CA2: variants seen among roughly 807,000 people sequenced by gnomAD.
CA2 encodes carbonic anhydrase 2, also known as carbonate dehydratase II.
Under a neutral mutation model 27.8 loss-of-function variants are expected in CA2, and 23 were observed. The observed-to-expected ratio is 0.83, with a 90% CI of 0.59 to 1.17. CA2 has a LOEUF of 1.17. CA2 is among the 50% of genes most tolerant of loss of function. The probability of loss-of-function intolerance (pLI) is 0.00; values close to 1 mark genes in which losing one functional copy is unlikely to be tolerated. For missense variants in CA2, 300 were observed against 314.7 expected, an observed-to-expected ratio of 0.95 and a Z score of 0.35; for synonymous variants, 99 against 114.9, an observed-to-expected ratio of 0.86 and a Z score of 0.88.
At chr8:85,471,728 A>G (rs1021727044) in intron 2 of CA2, among the ~76,000 whole-genome samples, 7 of 152,006 alleles carry the variant, frequency 4.6e-5, no homozygotes, top group African/African-American at 1.7e-4. Flanking sequence ...AAGAGTTATT[A>G]TAAAGGATTT....
In CA2 at chr8:85,475,741, A is replaced by G. The variant is rs1404609444; in HGVS notation, c.445-57A>G. On this transcript the variant is annotated intron_variant, in intron 4 of 6. Transcript: ENST00000285379. Reference sequence around the variant, plus strand: ...TAATAGAGCTACCCAAATAAAAATAAAAACTGGTACAGTACCAACTGGGTG... The same window carrying G: ...TAATAGAGCTACCCAAATAAAAATAGAAACTGGTACAGTACCAACTGGGTG... 26 of 1,507,472 alleles carry G rather than the reference A, an allele frequency of 1.7e-5. No homozygotes were observed. The East Asian group carries it at 5.9e-4, about 34-fold the overall frequency. 93.4% of individuals were successfully genotyped at this position (1,507,472 alleles called of 1,614,324 possible).
At chr8:85,469,187 A>G (rs1175572534) in intron 2 of CA2, among the ~76,000 whole-genome samples, 2 of 152,080 alleles carry the variant, frequency 1.3e-5, no homozygotes, top group African/African-American at 2.4e-5. Context: ...ATTAGGAGTT[A>G]TTTTTGTGGT....
At chr8:85,470,356 G>A (rs75755943) in intron 2 of CA2, among the ~76,000 whole-genome samples, 2,880 of 152,226 alleles carry the variant, frequency 0.019, 75 homozygotes, top group African/African-American at 0.065. Flanking sequence ...AGATGGTACC[G>A]AAAATGACAT....
At chr8:85,471,042 T>C (rs1176308390) in intron 2 of CA2, among the ~76,000 whole-genome samples, 2 of 152,270 alleles carry the variant, frequency 1.3e-5, no homozygotes, top group Middle Eastern at 3.4e-3. Flanking sequence ...AAATGGCATG[T>C]AGTCATTTAA....
In CA2 at chr8:85,475,810, A is replaced by G. The variant is rs1371167247; in HGVS notation, c.457A>G (p.Lys153Glu). ...TGTTTTTCTTTAGGTTGGCAGCGCT[A>G]AACCGGGCCTTCAGAAAGTTGTTGA... ...LGIFLKVGSA[K>E]PGLQKVVDVL... Residue 153 changes from lysine to glutamate, a missense_variant, in exon 5 of 7, where the codon AAA (lysine) becomes GAA (glutamate). Coordinates refer to ENST00000285379, the MANE Select transcript of CA2 (RefSeq NM_000067.3). 1 of 1,613,932 alleles carries G rather than the reference A, an allele frequency of 6.2e-7. No individual in the cohort carries two copies. The highest frequency in any genetic ancestry group is 8.5e-7 in the Non-Finnish European group (1 of 1,179,936).
chr8:85,474,316 G>A lies in CA2; in HGVS notation c.352-8G>A, dbSNP rs369557332. ...TCACTCACTGTGGCTTTGTCTCTTCGGCCTTAGCTTCACTTGGTTCACTGG... is the reference window on the plus strand; with the variant it reads ...TCACTCACTGTGGCTTTGTCTCTTCAGCCTTAGCTTCACTTGGTTCACTGG... On this transcript the variant is annotated splice_region_variant and splice_polypyrimidine_tract_variant and intron_variant, in intron 3 of 6. Coordinates refer to ENST00000285379, the MANE Select transcript of CA2 (RefSeq NM_000067.3). 1.4e-5 allele frequency: 22 copies of A among 1,609,846 alleles called. No homozygotes were observed. Among genetic ancestry groups the A allele is most frequent in the Middle Eastern group, 1.6e-4 (1 of 6,078 alleles).
chr8:85,475,678 T>G, intron 4 of CA2, 120 bp from the exon 5 acceptor site: 3 of 831,144 alleles, frequency 3.6e-6, no homozygotes, highest in Non-Finnish European at 2.1e-6. Flanking sequence ...GGGTCATGTA[T>G]GAAGTGGAGA....
At chr8:85,471,623 A>C (rs1325958996) in intron 2 of CA2, among the ~76,000 whole-genome samples, 1 of 152,250 alleles carries the variant, frequency 6.6e-6, no homozygotes, top group East Asian at 1.9e-4. Flanking sequence ...GATTCTTAGT[A>C]TGGTTTTAGT....
intron 2 of CA2, among the ~76,000 whole-genome samples, chr8:85,471,924 G>C (rs766706555): frequency 5.9e-5 from 9 of 152,132 alleles, no homozygotes; most frequent in Non-Finnish European, 1.3e-4. Context: ...GACTTTGTCA[G>C]AATACATCCA....
intron 3 of CA2, 99 bp downstream of exon 3, chr8:85,473,910 C>G: frequency 1.3e-6 from 1 of 783,716 alleles, no homozygotes; most frequent in Non-Finnish European, 2.3e-6. Context: ...AACTCACGCC[C>G]AGTGAACCAC....
intron 2 of CA2, among the ~76,000 whole-genome samples, chr8:85,468,595 C>G (rs1811664241): frequency 6.6e-6 from 1 of 152,178 alleles, no homozygotes; most frequent in Admixed American, 6.5e-5. Context: ...ACTGTCTGTA[C>G]TAAAAATGCA....
chr8:85,477,131 T>A lies in CA2; in HGVS notation c.519T>A (p.Ala173=). Residue 173 remains alanine (A), a synonymous_variant, in exon 6 of 7, where the codon GCT becomes GCA. Coordinates refer to ENST00000285379, the MANE Select transcript of CA2 (RefSeq NM_000067.3). ...LDSIKTKGKS[A]DFTNFDPRGL... ...TTGCCTTGTTCTAGGGCAAGAGTGC[T>A]GACTTCACTAACTTCGATCCTCGTG... 6.2e-7 allele frequency: 1 copy of A among 1,614,116 alleles called. No homozygotes were observed. Among genetic ancestry groups the A allele is most frequent in the Non-Finnish European group, 8.5e-7 (1 of 1,179,974 alleles).
rs991534279 is a variant in CA2 at position 85,466,417 on chromosome 8, T to G, written c.232+948T>G. ...AGTAGTGACCTACGGTACTAATATA[T>G]TATATAATATGTAATTATAACCATT... On this transcript the variant is annotated intron_variant, in intron 2 of 6. Coordinates refer to ENST00000285379, the MANE Select transcript of CA2 (RefSeq NM_000067.3). 2.6e-5 allele frequency among the ~76,000 whole-genome samples: 4 copies of G among 152,116 alleles called. No homozygotes were observed. The East Asian group carries it at 7.7e-4, about 29-fold the overall frequency.
In CA2 at chr8:85,480,758, AG is replaced by A; in HGVS notation, c.753del (p.Asn252ThrfsTer14). 1.9e-6 allele frequency: 3 copies of A among 1,613,976 alleles called. No homozygotes were observed. The highest frequency in any genetic ancestry group is 2.5e-6 in the Non-Finnish European group (3 of 1,179,892). ...AACTGGCGCCCAGCTCAGCCACTGA[AG>A]AACAGGCAAATCAAAGCTTCCTTCA... ...VDNWRPAQPL[K>X]NRQIKASFK On this transcript the variant is annotated frameshift_variant, in exon 7 of 7. Coordinates refer to ENST00000285379, the MANE Select transcript of CA2 (RefSeq NM_000067.3). LOFTEE classifies it high-confidence loss of function.
intron 2 of CA2, among the ~76,000 whole-genome samples, chr8:85,469,339 C>T (rs1811680896): frequency 6.6e-6 from 1 of 152,144 alleles, no homozygotes; most frequent in African/African-American, 2.4e-5. Flanking sequence ...TAAATGTTCT[C>T]TTATATCCAA....
At chr8:85,467,278 G>A (rs1811644693) in intron 2 of CA2, among the ~76,000 whole-genome samples, 1 of 152,226 alleles carries the variant, frequency 6.6e-6, no homozygotes, top group Non-Finnish European at 1.5e-5. Flanking sequence ...TGGGGTCAGA[G>A]AGACCTGGAT....
In CA2 at chr8:85,475,371, T is replaced by TAAAAAA. The variant is rs3070396; in HGVS notation, c.445-407_445-402dup. 2.2e-4 allele frequency among the ~76,000 whole-genome samples: 9 copies of TAAAAAA among 41,358 alleles called. 1 individual carries two copies. Among genetic ancestry groups the TAAAAAA allele is most frequent in the Non-Finnish European group, 2.7e-4 (7 of 26,020 alleles). 27.1% of individuals were successfully genotyped at this position (41,358 alleles called of 152,430 possible). A position where few individuals can be genotyped will look rare whatever the true frequency, so the allele number is the denominator to read the frequency against. On this transcript the variant is annotated intron_variant, in intron 4 of 6. Coordinates refer to ENST00000285379, the MANE Select transcript of CA2 (RefSeq NM_000067.3). Reference sequence around the variant, plus strand: ...GGATGACAGAGCAAGACTCTGACTCTAAAAAAAAAAAAAAAAAAAAAAAAA... The same window carrying TAAAAAA: ...GGATGACAGAGCAAGACTCTGACTCTAAAAAAAAAAAAAAAAAAAAAAAAAAAAAAA...
At chr8:85,471,457 C>T (rs1366164663) in intron 2 of CA2, among the ~76,000 whole-genome samples, 2 of 151,398 alleles carry the variant, frequency 1.3e-5, no homozygotes, top group African/African-American at 4.8e-5. Context: ...TTGCCTAATT[C>T]TAAATGTTTT....
Position 85,475,826 on chromosome 8 carries a change from A to T in CA2, c.473A>T (p.Lys158Ile), listed in dbSNP as rs775300980. Residue 158 changes from lysine to isoleucine, a missense_variant, in exon 5 of 7, where the codon AAA becomes ATA. Physicochemically the swap from Lys to Ile is moderately radical, Grantham distance 102. Around this residue, in one of 3 missense-constraint regions of CA2, gnomAD observed 173 missense variants for 161.0 expected, o/e 1.07. Transcript: ENST00000285379. Reference sequence around the variant, plus strand: ...GGCAGCGCTAAACCGGGCCTTCAGAAAGTTGTTGATGTGCTGGATTCCATT... The same window carrying T: ...GGCAGCGCTAAACCGGGCCTTCAGATAGTTGTTGATGTGCTGGATTCCATT... ...KVGSAKPGLQKVVDVLDSIKT... is the reference protein window; with the variant it reads ...KVGSAKPGLQIVVDVLDSIKT... 1.2e-6 allele frequency: 2 copies of T among 1,614,088 alleles called. No individual in the cohort carries two copies. Among genetic ancestry groups the T allele is most frequent in the East Asian group, 4.5e-5 (2 of 44,868 alleles).
Sources: allele counts gnomAD v4.1 joint callset (sites outside exome capture counted in the v4.1 genomes callset), GRCh38; gene constraint gnomAD v4.1.1; regional missense constraint gnomAD v4.1.1; transcripts MANE v1.5; gene names NCBI Gene and HGNC (gene_info 2026-07-23, HGNC 2026-07-21).